The following INSR variants were observed in gnomAD, a reference collection of about 807,000 sequenced individuals.
The protein encoded by INSR is IR.
Under a neutral mutation model 142.6 loss-of-function variants are expected in INSR, and 67 were observed. The ratio of observed to expected loss-of-function variants is 0.47; its 90% CI spans 0.39 to 0.58. The LOEUF (loss-of-function observed/expected upper bound fraction) is 0.58. Ranked by LOEUF, INSR falls within the 20% of genes least tolerant of loss-of-function variation. The pLI, the probability that INSR is intolerant of heterozygous loss-of-function variation, is 0.00. For synonymous variants in INSR, 756 were observed against 743.1 expected (o/e 1.02, Z -0.28); for missense variants, 1,248 against 1,833.2 (o/e 0.68, Z 5.83).
At chr19:7,268,168 C>A (rs1015667440) in intron 1 of INSR, among the ~76,000 whole-genome samples, 1 of 152,014 alleles carries the variant, frequency 6.6e-6, no homozygotes, top group Non-Finnish European at 1.5e-5. Flanking sequence ...ATGATGCAGT[C>A]GGGACAATGG....
intron 2 of INSR, among the ~76,000 whole-genome samples, chr19:7,250,270 A>G (rs1976669280): frequency 2.4e-5 from 3 of 122,910 alleles, no homozygotes; most frequent in Admixed American, 9.5e-5. Flanking sequence ...GGGAAGGAGG[A>G]GAGGGGAAGG....
intron 13 of INSR, among the ~76,000 whole-genome samples, chr19:7,140,966 G>T (rs1225898042): frequency 6.6e-6 from 1 of 152,168 alleles, no homozygotes; most frequent in Non-Finnish European, 1.5e-5. Context: ...TATGTCTTGT[G>T]CATCTCTGCA....
Position 7,159,904 on chromosome 19 carries a change from T to C in INSR, c.2029+3128A>G, listed in dbSNP as rs8100109. On this transcript the variant is annotated intron_variant, in intron 9 of 21. Transcript: ENST00000302850. This position sits in a 1 kb window ranked among gnomAD's most constrained non-coding sequence, Gnocchi z 4.3. ...CCTGGCCTCAGCCACACCTCGCCAG[T>C]GGCCCCCTGGCCTTCTCCTCCAGGG... is the stretch of plus-strand genomic sequence containing the variant. Among the ~76,000 whole-genome samples, 22,271 of 152,186 alleles carry C rather than the reference T, an allele frequency of 0.15. 4,120 individuals are homozygous for C. The highest frequency in any genetic ancestry group is 0.42 in the African/African-American group (17,405 of 41,480).
chr19:7,212,729 G>A (rs1465763424), intron 2 of INSR, among the ~76,000 whole-genome samples: 1 of 151,980 alleles, frequency 6.6e-6, no homozygotes, highest in Admixed American at 6.6e-5. Flanking sequence ...GGGACTACAG[G>A]CACCCACCCC....
rs1972712339 is a variant in INSR, at chr19:7,128,951, T to G, written c.2846A>C (p.Asp949Ala). The G allele has an allele frequency of 6.2e-7, 1 of 1,603,672 alleles. No homozygotes were observed. Among genetic ancestry groups the G allele is most frequent in the South Asian group, 1.1e-5 (1 of 90,872 alleles). Residue 949 changes from aspartate to alanine, a missense_variant, in exon 15 of 22, where the codon GAC (aspartate) becomes GCC (alanine). Physicochemically the swap from Asp to Ala is moderately radical, Grantham distance 126 (BLOSUM62 -2). Around this residue, in one of 3 missense-constraint regions of INSR, gnomAD observed 1,069 missense variants for 1,654.0 expected, o/e 0.65. Transcript: ENST00000302850. ...PTYFYVTDYL[D>A]VPSNIAKIII... ...AATTTTTGCAATATTTGACGGGACG[T>G]CTACTGAAATAGAATAAGAAAATAT...
rs1973943976 is a variant in INSR, at chr19:7,168,735, T to C, written c.1484-641A>G. On this transcript the variant is annotated intron_variant, in intron 6 of 21. Coordinates refer to ENST00000302850, the MANE Select transcript of INSR (RefSeq NM_000208.4). This position sits in a 1 kb window ranked among gnomAD's most constrained non-coding sequence, Gnocchi z 4.3. ...CCTCAGCCTCTCAAGTAGCTGGGAT[T>C]ACAGGCACCCACCACCACGTCCAGC... Among the ~76,000 whole-genome samples the C allele has an allele frequency of 6.6e-6, 1 of 151,988 alleles. No homozygotes were observed. The highest frequency in any genetic ancestry group is 1.5e-5 in the Non-Finnish European group (1 of 68,010).
At position 7,159,663 on chromosome 19, in the gene INSR, A is replaced by T. The variant is rs1973700137; in HGVS notation, c.2029+3369T>A. 1 of 152,220 alleles carries T rather than the reference A, an allele frequency of 6.6e-6. No individual in the cohort carries two copies. Among genetic ancestry groups the T allele is most frequent in the African/African-American group, 2.4e-5 (1 of 41,434 alleles). The allele number at this position is 152,220 out of a possible 1,614,324, so 9.4% of individuals were successfully genotyped here. Reference sequence around the variant, plus strand: ...GACTCGCCCTGGAGTTATATAAAGCATCAGAGCAGATAAATCACGTTTGCA... The same window carrying T: ...GACTCGCCCTGGAGTTATATAAAGCTTCAGAGCAGATAAATCACGTTTGCA... On this transcript the variant is annotated intron_variant, in intron 9 of 21. Transcript: ENST00000302850. The surrounding 1 kb of genome is among the most constrained non-coding windows in gnomAD (Gnocchi z 4.3).
intron 1 of INSR, among the ~76,000 whole-genome samples, chr19:7,282,942 C>T (rs1250013701): frequency 6.6e-6 from 1 of 151,734 alleles, no homozygotes; most frequent in African/African-American, 2.4e-5. Flanking sequence ...CACTGCACTC[C>T]AGCCTGGGCG....
At chr19:7,243,219 T>TC (rs1293093747) in intron 2 of INSR, among the ~76,000 whole-genome samples, 1 of 143,604 alleles carries the variant, frequency 7.0e-6, no homozygotes, top group African/African-American at 2.6e-5. Flanking sequence ...TCACAGCCAG[T>TC]CACACACTGT....
chr19:7,124,377 A>AAG (rs1460203891), intron 17 of INSR, among the ~76,000 whole-genome samples: 2 of 99,886 alleles, frequency 2.0e-5, no homozygotes, highest in Non-Finnish European at 4.4e-5. Context: ...TCAAAAAAAA[A>AAG]AAAAAAAAAC....
At chr19:7,118,787 T>C (rs941003306) in intron 21 of INSR, among the ~76,000 whole-genome samples, 6 of 145,308 alleles carry the variant, frequency 4.1e-5, no homozygotes, top group East Asian at 2.0e-4. Context: ...CGGTGGTGGG[T>C]GCCTGTAGTC....
rs191560171 is a variant in INSR, at chr19:7,273,913, A to G, written c.101-6017T>C. Reference sequence around the variant, plus strand: ...GAGGCTGAGGCAGGAGAATCGCTTGAACCCAGGAGATGGAAGTTGCAGTGA... The same window carrying G: ...GAGGCTGAGGCAGGAGAATCGCTTGGACCCAGGAGATGGAAGTTGCAGTGA... On this transcript the variant is annotated intron_variant, in intron 1 of 21. Transcript: ENST00000302850. Among the ~76,000 whole-genome samples, 984 of 151,974 alleles carry G rather than the reference A, an allele frequency of 6.5e-3. 8 individuals carry two copies. The highest frequency in any genetic ancestry group is 0.023 in the African/African-American group (949 of 41,496).
intron 3 of INSR, 82 bp downstream of exon 3, chr19:7,184,234 G>C (rs931951819): frequency 4.0e-5 from 52 of 1,285,324 alleles, no homozygotes; most frequent in Non-Finnish European, 8.9e-6. Context: ...TTTGCACACA[G>C]TTTTAACAAG....
intron 9 of INSR, among the ~76,000 whole-genome samples, chr19:7,158,968 T>C (rs1170008545): frequency 6.6e-6 from 1 of 152,114 alleles, no homozygotes; most frequent in Non-Finnish European, 1.5e-5. Context: ...AATGGCGTGA[T>C]CTCGGCTCAC....
chr19:7,140,475 G>C (rs930084062), intron 13 of INSR, among the ~76,000 whole-genome samples: 11 of 152,166 alleles, frequency 7.2e-5, no homozygotes, highest in Admixed American at 6.6e-5. Flanking sequence ...TTACTATCCA[G>C]ACCTTTATGG....
At chr19:7,170,882 C>A in intron 5 of INSR, 131 bp from the exon 6 acceptor site, 1 of 785,448 alleles carries the variant, frequency 1.3e-6, no homozygotes, top group Non-Finnish European at 2.3e-6. Flanking sequence ...TTGGCACATA[C>A]TCAACACATA....
chr19:7,249,820 G>A (rs4584943), intron 2 of INSR, among the ~76,000 whole-genome samples: 46,198 of 151,804 alleles, frequency 0.3, 7,248 homozygotes, highest in South Asian at 0.44. Context: ...GTGAAACCCC[G>A]TCTCTACTAA....
At chr19:7,124,952 T>C (rs920729065) in intron 17 of INSR, among the ~76,000 whole-genome samples, 22 of 151,554 alleles carry the variant, frequency 1.5e-4, no homozygotes, top group Admixed American at 1.4e-3. Flanking sequence ...CAATGGAAGA[T>C]TGTGGAAAAT....
At chr19:7,210,734 CAGAGAGACAGAGAG>C (rs1975249950) in intron 2 of INSR, among the ~76,000 whole-genome samples, 2 of 152,002 alleles carry the variant, frequency 1.3e-5, no homozygotes, top group Admixed American at 1.3e-4. Context: ...GAGACAGAGA[CAGAGAGACAGAGAG>C]AGACAGAGTC....
Sources: gnomAD v4.1 joint callset for allele counts (sites outside exome capture counted in the v4.1 genomes callset) on GRCh38, gnomAD v4.1.1 for gene constraint, gnomAD v4.1.1 regional missense constraint, Gnocchi (gnomAD v3.1) non-coding constraint, MANE v1.5 for transcripts, NCBI Gene and HGNC (gene_info 2026-07-23, HGNC 2026-07-21) for gene names.